ADGRG5: variants seen among roughly 807,000 people sequenced by gnomAD.
ADGRG5 encodes G protein-coupled receptor 114.
A neutral mutation model predicts 53.2 loss-of-function variants in ADGRG5; 37 were observed. That is an observed-to-expected ratio of 0.70 (90% CI 0.53 to 0.91). ADGRG5 has a LOEUF of 0.91. ADGRG5 is among the 40% of genes least tolerant of loss of function. The probability of loss-of-function intolerance (pLI) is 0.00; values close to 1 mark genes in which losing one functional copy is unlikely to be tolerated. For synonymous variants in ADGRG5, 277 were observed against 290.4 expected, an observed-to-expected ratio of 0.95 and a Z score of 0.47; for missense variants, 614 against 675.8, an observed-to-expected ratio of 0.91 and a Z score of 1.01.
intron 1 of ADGRG5, among the ~76,000 whole-genome samples, chr16:57,550,794 C>T (rs1251287813): frequency 6.6e-6 from 1 of 152,074 alleles, no homozygotes; most frequent in Non-Finnish European, 1.5e-5. Flanking sequence ...CTTTGGGAGG[C>T]CGAGGCGGGC....
intron 1 of ADGRG5, among the ~76,000 whole-genome samples, chr16:57,554,522 A>G (rs998359276): frequency 7.2e-5 from 11 of 151,978 alleles, no homozygotes; most frequent in East Asian, 3.9e-4. Context: ...GACTACAGGC[A>G]CCTGCCACCA....
chr16:57,561,470 G>A (rs1382211624), intron 1 of ADGRG5, among the ~76,000 whole-genome samples: 2 of 152,092 alleles, frequency 1.3e-5, no homozygotes, highest in Non-Finnish European at 2.9e-5. Context: ...GAGAGGCTTT[G>A]TGCCTCCTTT....
intron 1 of ADGRG5, among the ~76,000 whole-genome samples, chr16:57,543,785 T>G (rs575668618): frequency 1.3e-5 from 2 of 152,238 alleles, no homozygotes; most frequent in South Asian, 4.2e-4. Flanking sequence ...TTCCCAAGCC[T>G]TGTGCTCAGA....
At chr16:57,551,849 A>C (rs1481659180) in intron 1 of ADGRG5, among the ~76,000 whole-genome samples, 1 of 152,182 alleles carries the variant, frequency 6.6e-6, no homozygotes, top group African/African-American at 2.4e-5. Context: ...CTATAGCCTT[A>C]TGAAATTTGT....
chr16:57,562,198 T>A, intron 2 of ADGRG5, 41 bp downstream of exon 2: 1 of 1,557,248 alleles, frequency 6.4e-7, no homozygotes, highest in Non-Finnish European at 8.7e-7. Context: ...CCTAGCCCAG[T>A]CGTGGGACTG....
chr16:57,557,205 C>T (rs1596782461), intron 1 of ADGRG5, among the ~76,000 whole-genome samples: 1 of 152,076 alleles, frequency 6.6e-6, no homozygotes, highest in Non-Finnish European at 1.5e-5. Flanking sequence ...CCACTGCACC[C>T]GACCTTGTCT....
At chr16:57,568,252 C>CT (rs2033201062) in intron 9 of ADGRG5, 128 bp downstream of exon 9, 3 of 861,592 alleles carry the variant, frequency 3.5e-6, no homozygotes, top group Non-Finnish European at 3.6e-6. Flanking sequence ...GCTGTGAACT[C>CT]TGTCTACACC....
At chr16:57,569,232 C>T (rs2033256932) in intron 9 of ADGRG5, among the ~76,000 whole-genome samples, 3 of 151,106 alleles carry the variant, frequency 2.0e-5, no homozygotes, top group African/African-American at 7.3e-5. Context: ...CCACCACCAT[C>T]ATCTCCTTCA....
the ADGRG5 span, among the ~76,000 whole-genome samples, chr16:57,535,664 G>C: frequency 2.1e-4 from 31 of 149,072 alleles, no homozygotes; most frequent in East Asian, 6.3e-3. Flanking sequence ...GCAACACCGT[G>C]AACTCTTCAC....
chr16:57,532,396 C>G, the ADGRG5 span, among the ~76,000 whole-genome samples: 1 of 152,172 alleles, frequency 6.6e-6, no homozygotes, highest in Non-Finnish European at 1.5e-5. Context: ...CCAGGAGATC[C>G]CTAGCAGCCT....
intron 4 of ADGRG5, 50 bp downstream of exon 4, chr16:57,563,297 T>C (rs1214746200): frequency 2.6e-6 from 4 of 1,543,212 alleles, no homozygotes; most frequent in Non-Finnish European, 3.6e-6. Context: ...GCCCTAGAAG[T>C]CCTCCAGGCA....
the ADGRG5 span, among the ~76,000 whole-genome samples, chr16:57,535,375 A>G: frequency 6.6e-6 from 1 of 152,046 alleles, no homozygotes; most frequent in Admixed American, 6.5e-5. Context: ...TGGATCATTG[A>G]TTTGAACTCC....
intron 2 of ADGRG5, 95 bp downstream of exon 2, chr16:57,562,252 G>A: frequency 7.0e-7 from 1 of 1,423,044 alleles, no homozygotes; most frequent in Admixed American, 2.0e-5. Context: ...GATTGAAAAG[G>A]GCCACTTAGG....
chr16:57,548,727 T>A lies in ADGRG5; in HGVS notation c.-39+6026T>A, dbSNP rs2146759131. Among the ~76,000 whole-genome samples the A allele has an allele frequency of 2.0e-5, 3 of 152,038 alleles. No individual in the cohort carries two copies. In the South Asian group the frequency reaches 6.2e-4, roughly 32 times the overall value. On this transcript the variant is annotated intron_variant, in intron 1 of 11. Coordinates refer to ENST00000349457, the MANE Select transcript of ADGRG5 (RefSeq NM_001304376.3). ...CAACATTTTGAGATTGGCTTTTTTTTTTTTTTTTTTGGCTCATGATAATTC... is the reference window on the plus strand; with the variant it reads ...CAACATTTTGAGATTGGCTTTTTTTATTTTTTTTTTGGCTCATGATAATTC...
rs1395554126 is a variant in ADGRG5 at position 57,567,872 on chromosome 16, T to G, written c.838T>G (p.Leu280Val). The change falls in exon 9 of 12, where the codon TTA becomes GTA. Residue 280 changes from leucine to valine, a missense_variant. Transcript: ENST00000349457. ...CACCTGCAGGAAGCAGAGTGACTCC[T>G]TAACACGCATCCACATGAACCTGCA... ...HFHFRKQSDSLTRIHMNLHAS... is the reference protein window; with the variant it reads ...HFHFRKQSDSVTRIHMNLHAS... 5 of 1,611,062 alleles carry G rather than the reference T, an allele frequency of 3.1e-6. No individual in the cohort carries two copies. Among genetic ancestry groups the G allele is most frequent in the Non-Finnish European group, 4.2e-6 (5 of 1,179,768 alleles).
rs372544241 is a variant in ADGRG5, at chr16:57,563,943, C to T, written c.393C>T (p.Leu131=). The T allele has an allele frequency of 1.1e-5, 17 of 1,613,934 alleles. No individual in the cohort carries two copies. Among genetic ancestry groups the T allele is most frequent in the African/African-American group, 5.3e-5 (4 of 74,908 alleles). The part of the protein sequence containing the change: ...ACKTRPRELR[L]ICIYFSNTHF... ...AGACCCGCCCCAGGGAGCTGCGGCT[C>T]ATCTGTATCTACTTCTCCAACACCC... is the stretch of plus-strand genomic sequence containing the variant. Residue 131 remains leucine, a synonymous_variant, in exon 5 of 12, where the codon CTC becomes CTT. Transcript: ENST00000349457.
intron 1 of ADGRG5, among the ~76,000 whole-genome samples, chr16:57,556,845 A>G (rs1438901585): frequency 6.6e-6 from 1 of 151,504 alleles, no homozygotes; most frequent in Non-Finnish European, 1.5e-5. Flanking sequence ...TTTAGTGCCA[A>G]TCTGCTGGCA....
At chr16:57,539,755 T>C (rs1217005954), upstream of ADGRG5, among the ~76,000 whole-genome samples, 2 of 151,494 alleles carry the variant, frequency 1.3e-5, no homozygotes, top group Admixed American at 6.6e-5. Context: ...CCACCTGGTC[T>C]GAATCTACAC....
rs748629589 is a variant in ADGRG5, at chr16:57,563,263, T to A, written c.297+16T>A. On this transcript the variant is annotated intron_variant, in intron 4 of 11. Transcript: ENST00000349457. ...GGTGCCCCAGGTCAGAGGCTGCGGG[T>A]TGGGGGGTGTGGCCAGCTGCCCCGC... is the stretch of plus-strand genomic sequence containing the variant. 2 of 1,611,772 alleles carry A rather than the reference T, an allele frequency of 1.2e-6. No homozygotes were observed. The highest frequency in any genetic ancestry group is 2.7e-5 in the African/African-American group (2 of 75,000).
Sources: allele counts gnomAD v4.1 joint callset (sites outside exome capture counted in the v4.1 genomes callset), GRCh38; gene constraint gnomAD v4.1.1; transcripts MANE v1.5; gene names NCBI Gene and HGNC (gene_info 2026-07-23, HGNC 2026-07-21).